SNTG1: variants seen among roughly 807,000 people sequenced by gnomAD.
SNTG1 encodes gamma-1-syntrophin.
SNTG1 carries 39 observed loss-of-function variants against 74.7 expected under a neutral mutation model. That is an observed-to-expected ratio of 0.52 (90% CI 0.40 to 0.68). The LOEUF (loss-of-function observed/expected upper bound fraction) is 0.68, where lower values mean the gene tolerates loss of function less well. Among genes scored for constraint, SNTG1 ranks in the 30% least tolerant of loss-of-function variants. SNTG1 has a pLI of 0.00. For synonymous variants in SNTG1, 254 were observed against 217.1 expected (o/e 1.17, Z -1.49); for missense variants, 685 against 609.5 (o/e 1.12, Z -1.30).
At chr8:50,472,748 A>G (rs567355474) in intron 8 of SNTG1, among the ~76,000 whole-genome samples, 5 of 152,160 alleles carry the variant, frequency 3.3e-5, no homozygotes, top group East Asian at 1.9e-4. Flanking sequence ...ATGGAATGGC[A>G]TAAAATATTT....
At position 50,314,781 on chromosome 8, in the gene SNTG1, G is replaced by T. The variant is rs1244761264; in HGVS notation, c.-27-79431G>T. ...ATTTCAAATTTTATTTCTTTTAAAA[G>T]ATTTGTGTAATCTCCCCAGTTAAAT... On this transcript the variant is annotated intron_variant, in intron 2 of 18. Transcript: ENST00000642720. Among the ~76,000 whole-genome samples the T allele has an allele frequency of 4.7e-4, 71 of 149,798 alleles. 1 individual carries two copies. The highest frequency in any genetic ancestry group is 5.9e-5 in the Non-Finnish European group (4 of 67,922).
chr8:50,019,625 C>T (rs1816641635), intron 1 of SNTG1, among the ~76,000 whole-genome samples: 1 of 151,966 alleles, frequency 6.6e-6, no homozygotes, highest in Admixed American at 6.6e-5. Flanking sequence ...CTTTAAGAAC[C>T]TCTTAATTCA....
chr8:50,135,944 T>C (rs1192143973), intron 1 of SNTG1, among the ~76,000 whole-genome samples: 1 of 152,172 alleles, frequency 6.6e-6, no homozygotes, highest in Non-Finnish European at 1.5e-5. Context: ...TGTTGTTCTC[T>C]TCTTTGTGTC....
intron 15 of SNTG1, among the ~76,000 whole-genome samples, chr8:50,692,418 A>G (rs1563750488): frequency 6.6e-6 from 1 of 151,834 alleles, no homozygotes; most frequent in South Asian, 2.1e-4. Flanking sequence ...TGACATACAG[A>G]TGGGTTTTTG....
intron 2 of SNTG1, among the ~76,000 whole-genome samples, chr8:50,179,562 T>C (rs1452761221): frequency 6.6e-6 from 1 of 152,122 alleles, no homozygotes; most frequent in African/African-American, 2.4e-5. Context: ...ATACTCAAAA[T>C]ACATAAGCAG....
intron 4 of SNTG1, among the ~76,000 whole-genome samples, chr8:50,427,235 C>A (rs996598762): frequency 6.6e-6 from 1 of 151,932 alleles, no homozygotes; most frequent in African/African-American, 2.4e-5. Context: ...AAGTTACAGT[C>A]AAAAATATTA....
At chr8:50,381,438 C>T (rs1414786632) in intron 2 of SNTG1, among the ~76,000 whole-genome samples, 1 of 150,512 alleles carries the variant, frequency 6.6e-6, no homozygotes. Context: ...ATGAATGTGT[C>T]TCCAGAGAAA....
intron 9 of SNTG1, among the ~76,000 whole-genome samples, chr8:50,522,577 C>CTTTTTTT (rs34011488): frequency 7.9e-6 from 1 of 127,108 alleles, no homozygotes. Flanking sequence ...GACTTCCTTC[C>CTTTTTTT]TTTTTTTTTT....
chr8:50,288,775 C>A (rs1298451169), intron 2 of SNTG1, among the ~76,000 whole-genome samples: 1 of 152,076 alleles, frequency 6.6e-6, no homozygotes. Context: ...CTATTTTTGT[C>A]ATTTCAGAGG....
chr8:50,064,768 C>G (rs1820767769), intron 1 of SNTG1, among the ~76,000 whole-genome samples: 1 of 152,266 alleles, frequency 6.6e-6, no homozygotes, highest in African/African-American at 2.4e-5. Flanking sequence ...CTCCTGGCTC[C>G]TTCTTATAAT....
At chr8:50,367,522 C>T (rs966645018) in intron 2 of SNTG1, among the ~76,000 whole-genome samples, 1 of 151,990 alleles carries the variant, frequency 6.6e-6, no homozygotes, top group Non-Finnish European at 1.5e-5. Flanking sequence ...CTTACATAGT[C>T]TTTCAGAATA....
chr8:50,678,155 T>G (rs2095316621), intron 15 of SNTG1, among the ~76,000 whole-genome samples: 1 of 151,538 alleles, frequency 6.6e-6, no homozygotes, highest in East Asian at 1.9e-4. Context: ...GTGTTCTTGC[T>G]ATTTGTGCTA....
chr8:50,472,021 C>G (rs2093657857), intron 8 of SNTG1, among the ~76,000 whole-genome samples: 1 of 151,902 alleles, frequency 6.6e-6, no homozygotes, highest in African/African-American at 2.4e-5. Flanking sequence ...ACATAGAAAA[C>G]TCAAAAATAT....
At chr8:50,353,389 G>C (rs2091726744) in intron 2 of SNTG1, among the ~76,000 whole-genome samples, 1 of 151,994 alleles carries the variant, frequency 6.6e-6, no homozygotes, top group Non-Finnish European at 1.5e-5. Context: ...ATGTACCCTA[G>C]AACTTAAAGT....
At chr8:50,414,396 C>T (rs1442302721) in intron 4 of SNTG1, among the ~76,000 whole-genome samples, 2 of 152,092 alleles carry the variant, frequency 1.3e-5, no homozygotes, top group African/African-American at 4.8e-5. Context: ...AGTTTCTTTA[C>T]TATAATCCTT....
At chr8:50,398,603 A>T (rs1477912353) in intron 3 of SNTG1, among the ~76,000 whole-genome samples, 1 of 152,142 alleles carries the variant, frequency 6.6e-6, no homozygotes, top group Non-Finnish European at 1.5e-5. Flanking sequence ...ATCAGATGTC[A>T]TATTGTGTTT....
chr8:50,394,252 C>G lies in SNTG1; in HGVS notation c.14C>G (p.Thr5Ser). 6.2e-7 allele frequency: 1 copy of G among 1,613,072 alleles called. No individual in the cohort carries two copies. The highest frequency in any genetic ancestry group is 8.5e-7 in the Non-Finnish European group (1 of 1,179,396). MDFR[T>S]ACEETKTGIC... ...GTGCCACAGCACATGGATTTCAGAA[C>G]CGCCTGTGAGGAGGTGAGTACAGAG... Residue 5 changes from threonine (T) to serine (S), a missense_variant, in exon 3 of 19, where the codon ACC becomes AGC. Coordinates refer to ENST00000642720, the MANE Select transcript of SNTG1 (RefSeq NM_018967.5).
chr8:50,579,838 C>T (rs1193551472), intron 12 of SNTG1, among the ~76,000 whole-genome samples: 1 of 152,138 alleles, frequency 6.6e-6, no homozygotes, highest in East Asian at 1.9e-4. Context: ...CAGAAGTTTG[C>T]TGCAGCAGTG....
At chr8:50,492,585 G>A (rs564104776) in intron 8 of SNTG1, among the ~76,000 whole-genome samples, 60 of 152,136 alleles carry the variant, frequency 3.9e-4, no homozygotes, top group Middle Eastern at 3.2e-3. Context: ...TTTTGATGGA[G>A]TTGTTCTTTC....
Sources: allele counts gnomAD v4.1 joint callset (sites outside exome capture counted in the v4.1 genomes callset), GRCh38; gene constraint gnomAD v4.1.1; transcripts MANE v1.5; gene names NCBI Gene and HGNC (gene_info 2026-07-23, HGNC 2026-07-21).